Variants in MAGI1 observed in about 807,000 individuals in gnomAD.
The protein encoded by MAGI1 is membrane-associated guanylate kinase, WW and PDZ domain-containing protein 1.
In MAGI1, 58 loss-of-function variants were observed where a neutral mutation model predicts 139.9. The observed-to-expected ratio is 0.41, with a 90% CI of 0.34 to 0.52. MAGI1 has a LOEUF of 0.52. Ranked by LOEUF, MAGI1 falls within the 20% of genes least tolerant of loss-of-function variation. MAGI1 has a pLI of 0.12. For synonymous variants in MAGI1, 812 were observed against 737.9 expected, an observed-to-expected ratio of 1.10 and a Z score of -1.63; for missense variants, 1,874 against 1,901.6, an observed-to-expected ratio of 0.99 and a Z score of 0.27.
At chr3:65,927,423 C>G (rs974910620) in intron 1 of MAGI1, among the ~76,000 whole-genome samples, 18 of 152,180 alleles carry the variant, frequency 1.2e-4, no homozygotes, top group African/African-American at 4.3e-4. Flanking sequence ...AAGGGTCTGT[C>G]TCATTGCAGG....
intron 1 of MAGI1, among the ~76,000 whole-genome samples, chr3:65,857,674 T>C (rs1381078684): frequency 2.6e-5 from 4 of 152,056 alleles, no homozygotes; most frequent in African/African-American, 9.7e-5. Flanking sequence ...CTTATAAAGG[T>C]TTATAAACTT....
intron 1 of MAGI1, among the ~76,000 whole-genome samples, chr3:65,764,155 G>A (rs886100007): frequency 4.0e-5 from 6 of 150,820 alleles, no homozygotes; most frequent in South Asian, 2.1e-4. Flanking sequence ...ATGGTCTTCC[G>A]TTTCCTTTTA....
chr3:65,978,401 G>A (rs112221988), intron 1 of MAGI1, among the ~76,000 whole-genome samples: 134 of 152,224 alleles, frequency 8.8e-4, no homozygotes, highest in African/African-American at 3.1e-3. Context: ...GCTCTGTCTT[G>A]CTCACTGCTG....
At chr3:65,836,359 T>A (rs1218889012) in intron 1 of MAGI1, among the ~76,000 whole-genome samples, 1 of 152,214 alleles carries the variant, frequency 6.6e-6, no homozygotes, top group African/African-American at 2.4e-5. Context: ...AGTATAATGT[T>A]CATTCACCTT....
chr3:65,669,430 G>C (rs563506706), intron 1 of MAGI1, among the ~76,000 whole-genome samples: 1 of 152,104 alleles, frequency 6.6e-6, no homozygotes, highest in Non-Finnish European at 1.5e-5. Flanking sequence ...TTAAAGCTTT[G>C]ATTAACTTTC....
chr3:65,787,318 A>T (rs1247103294), intron 1 of MAGI1, among the ~76,000 whole-genome samples: 2 of 152,038 alleles, frequency 1.3e-5, no homozygotes, highest in African/African-American at 4.8e-5. Context: ...GAGCATTTTC[A>T]TAGCAACATA....
intron 12 of MAGI1, among the ~76,000 whole-genome samples, chr3:65,428,125 G>C (rs773467401): frequency 1.3e-5 from 2 of 152,160 alleles, no homozygotes; most frequent in Non-Finnish European, 2.9e-5. Flanking sequence ...AGAACACACA[G>C]GTTCATGAAA....
intron 18 of MAGI1, among the ~76,000 whole-genome samples, chr3:65,374,996 C>G (rs751164443): frequency 7.2e-5 from 11 of 152,142 alleles, no homozygotes; most frequent in Non-Finnish European, 1.5e-4. Flanking sequence ...GATATATTCA[C>G]TTATTCTAAA....
rs148998484 is a variant in MAGI1 at position 65,788,489 on chromosome 3, T to C, written c.314-166401A>G. On this transcript the variant is annotated intron_variant, in intron 1 of 22. Transcript: ENST00000402939. ...ATTTTAGATTATTCATTTCAAGCTA[T>C]TCTAGGGAACTGCTCTTGCAGTTCT... 5.1e-3 allele frequency among the ~76,000 whole-genome samples: 784 copies of C among 152,348 alleles called. 8 individuals are homozygous for C. The highest frequency in any genetic ancestry group is 7.6e-3 in the Admixed American group (117 of 15,308).
chr3:65,696,543 A>G (rs2089209974), intron 1 of MAGI1, among the ~76,000 whole-genome samples: 1 of 152,192 alleles, frequency 6.6e-6, no homozygotes, highest in Admixed American at 6.5e-5. Flanking sequence ...TAATTAAAAT[A>G]ATTAAAATGA....
chr3:65,686,945 G>T (rs923021415), intron 1 of MAGI1, among the ~76,000 whole-genome samples: 2 of 152,162 alleles, frequency 1.3e-5, no homozygotes, highest in African/African-American at 4.8e-5. Context: ...TAGCCCATTC[G>T]ATGAATCTGT....
intron 2 of MAGI1, among the ~76,000 whole-genome samples, chr3:65,617,802 T>G (rs527512732): frequency 4.6e-5 from 7 of 152,338 alleles, no homozygotes; most frequent in African/African-American, 1.7e-4. Flanking sequence ...AATATCTTTT[T>G]CCATTTCTTC....
chr3:65,772,927 C>T (rs188227382), intron 1 of MAGI1, among the ~76,000 whole-genome samples: 1 of 152,190 alleles, frequency 6.6e-6, no homozygotes, highest in East Asian at 1.9e-4. Context: ...TGAAAGACTA[C>T]CAGATGAAAG....
At chr3:65,420,153 G>A (rs985515838) in intron 12 of MAGI1, among the ~76,000 whole-genome samples, 1 of 152,026 alleles carries the variant, frequency 6.6e-6, no homozygotes, top group Non-Finnish European at 1.5e-5. Context: ...CTGAGAGCCT[G>A]TCCCTTCACC....
intron 1 of MAGI1, among the ~76,000 whole-genome samples, chr3:65,964,653 C>G (rs1254386714): frequency 5.3e-5 from 8 of 152,186 alleles, no homozygotes; most frequent in African/African-American, 9.6e-5. Flanking sequence ...CCCTTAACTT[C>G]CACTCCTCTC....
chr3:65,916,524 T>A (rs2061915287), intron 1 of MAGI1, among the ~76,000 whole-genome samples: 1 of 152,102 alleles, frequency 6.6e-6, no homozygotes, highest in African/African-American at 2.4e-5. Flanking sequence ...AAACCCCTTA[T>A]AAAACCATCA....
chr3:66,036,434 C>G (rs944616263), intron 1 of MAGI1, among the ~76,000 whole-genome samples: 2 of 152,068 alleles, frequency 1.3e-5, no homozygotes, highest in Non-Finnish European at 2.9e-5. Context: ...AAATGAGGAC[C>G]TAACTCAGAG....
chr3:65,857,783 G>A (rs374844108), intron 1 of MAGI1, among the ~76,000 whole-genome samples: 1 of 152,332 alleles, frequency 6.6e-6, no homozygotes, highest in Middle Eastern at 3.4e-3. Context: ...GACAGACACA[G>A]AAGGGCCTGC....
At chr3:65,781,429 AT>A (rs960826625) in intron 1 of MAGI1, among the ~76,000 whole-genome samples, 13 of 151,608 alleles carry the variant, frequency 8.6e-5, no homozygotes, top group African/African-American at 2.7e-4. Flanking sequence ...AAATGGATAG[AT>A]TTTTTTTTAA....
Sources: allele counts gnomAD v4.1 joint callset (sites outside exome capture counted in the v4.1 genomes callset), GRCh38; gene constraint gnomAD v4.1.1; transcripts MANE v1.5; gene names NCBI Gene and HGNC (gene_info 2026-07-23, HGNC 2026-07-21).